Variants in WDR17 observed in about 807,000 individuals in gnomAD.
WDR17 encodes the protein WD repeat-containing protein 17.
Under a neutral mutation model 161.7 loss-of-function variants are expected in WDR17, and 143 were observed. The observed-to-expected ratio is 0.88, with a 90% confidence interval of 0.77 to 1.02. WDR17 has a LOEUF of 1.02. WDR17 is among the 50% of genes least tolerant of loss of function. The pLI is 0.00. For missense variants in WDR17, 1,469 were observed against 1,520.9 expected, an observed-to-expected ratio of 0.97 and a Z score of 0.57; for synonymous variants, 517 against 515.6, an observed-to-expected ratio of 1.00 and a Z score of -0.04.
chr4:176,072,661 C>T (rs1305133554), intron 1 of WDR17, among the ~76,000 whole-genome samples: 1 of 152,106 alleles, frequency 6.6e-6, no homozygotes, highest in Admixed American at 6.6e-5. Context: ...CAGATGTTTT[C>T]CAGAGAGCAA....
chr4:176,087,769 C>T (rs1280207601), intron 1 of WDR17, among the ~76,000 whole-genome samples: 1 of 152,068 alleles, frequency 6.6e-6, no homozygotes, highest in Non-Finnish European at 1.5e-5. Context: ...AACTAATAAA[C>T]TCATCCATTG....
intron 3 of WDR17, among the ~76,000 whole-genome samples, chr4:176,119,300 A>T (rs1305280209): frequency 6.6e-6 from 1 of 152,146 alleles, no homozygotes; most frequent in East Asian, 1.9e-4. Context: ...ATAGATGAGG[A>T]AACAGAAATT....
At chr4:176,176,258 A>G (rs1751443151) in intron 26 of WDR17, among the ~76,000 whole-genome samples, 1 of 152,172 alleles carries the variant, frequency 6.6e-6, no homozygotes, top group African/African-American at 2.4e-5. Flanking sequence ...AATGTGACTA[A>G]GTTTAGGGAA....
At chr4:176,104,220 C>T (rs1477782278) in intron 1 of WDR17, among the ~76,000 whole-genome samples, 1 of 152,012 alleles carries the variant, frequency 6.6e-6, no homozygotes, top group Non-Finnish European at 1.5e-5. Context: ...TAAACAAAAA[C>T]TGAGGGAGTT....
At chr4:176,124,254 A>G (rs60982686) in intron 4 of WDR17, among the ~76,000 whole-genome samples, 4,000 of 152,314 alleles carry the variant, frequency 0.026, 161 homozygotes, top group African/African-American at 0.09. Flanking sequence ...GAATGAGAGG[A>G]CTTGCCCAGT....
intron 1 of WDR17, among the ~76,000 whole-genome samples, chr4:176,105,611 AACC>A (rs1237567987): frequency 3.9e-5 from 6 of 152,170 alleles, no homozygotes; most frequent in Non-Finnish European, 8.8e-5. Flanking sequence ...ACTCTCCAAC[AACC>A]AATGGATGAA....
intron 5 of WDR17, among the ~76,000 whole-genome samples, chr4:176,127,785 C>G (rs1330038963): frequency 6.6e-6 from 1 of 152,172 alleles, no homozygotes; most frequent in Non-Finnish European, 1.5e-5. Context: ...AGCAGTTACT[C>G]TCCATTACTG....
intron 17 of WDR17, among the ~76,000 whole-genome samples, chr4:176,153,680 A>T (rs1747599469): frequency 6.6e-6 from 1 of 152,194 alleles, no homozygotes. Flanking sequence ...ACAAAGCATG[A>T]TATTTAGAGT....
intron 1 of WDR17, among the ~76,000 whole-genome samples, chr4:176,091,322 C>T (rs1736095593): frequency 6.6e-6 from 1 of 151,982 alleles, no homozygotes; most frequent in Admixed American, 6.6e-5. Context: ...TGGAATAAAA[C>T]TAGAAATTAG....
chr4:176,091,793 A>G (rs1274020600), intron 1 of WDR17, among the ~76,000 whole-genome samples: 8 of 152,184 alleles, frequency 5.3e-5, no homozygotes, highest in Non-Finnish European at 2.9e-5. Context: ...AGATATTACA[A>G]CTGATACTAC....
chr4:176,068,731 G>A (rs1732840844), intron 1 of WDR17, among the ~76,000 whole-genome samples: 1 of 152,130 alleles, frequency 6.6e-6, no homozygotes, highest in Non-Finnish European at 1.5e-5. Flanking sequence ...TGATACCCAA[G>A]ACTGTGCTTT....
chr4:176,095,055 A>C (rs1268139568), intron 1 of WDR17, among the ~76,000 whole-genome samples: 2 of 152,122 alleles, frequency 1.3e-5, no homozygotes, highest in African/African-American at 4.8e-5. Context: ...GGAATCACTG[A>C]AGCAGAGACA....
intron 5 of WDR17, 56 bp from the exon 6 acceptor site, chr4:176,128,682 G>A (rs1742843792): frequency 6.5e-7 from 1 of 1,538,390 alleles, no homozygotes; most frequent in Admixed American, 2.2e-5. Context: ...TTATGTCTAG[G>A]CATTTTAGTT....
At chr4:176,123,089 C>T (rs762934369) in intron 4 of WDR17, among the ~76,000 whole-genome samples, 33 of 152,166 alleles carry the variant, frequency 2.2e-4, no homozygotes, top group Non-Finnish European at 3.2e-4. Flanking sequence ...CCAAGTTCAT[C>T]GGAGAACCTT....
intron 18 of WDR17, among the ~76,000 whole-genome samples, chr4:176,159,277 A>ATG (rs1416300813): frequency 0.35 from 48,368 of 136,400 alleles, 8,105 homozygotes; most frequent in East Asian, 0.42. Flanking sequence ...ACACACATGC[A>ATG]CACACACACA....
intron 9 of WDR17, among the ~76,000 whole-genome samples, chr4:176,139,400 A>G (rs1310230459): frequency 1.3e-5 from 2 of 151,960 alleles, no homozygotes; most frequent in East Asian, 3.9e-4. Context: ...GTGATTTATT[A>G]TAGGAATAAC....
chr4:176,139,957 C>T lies in WDR17; in HGVS notation c.1425C>T (p.Cys475=). The stretch of plus-strand genomic sequence containing the variant: ...AAGATTCTAAAAGAATAGCAACCTG[C>T]AGCAGTGATGGTTTCTGGTAAGTAC... The part of the protein sequence containing the change: ...SHKDSKRIAT[C]SSDGFCIIRT... The change falls in exon 10 of 29, where the codon TGC becomes TGT. Residue 475 remains cysteine (C), a synonymous_variant. Transcript: ENST00000508596. 6.2e-7 allele frequency: 1 copy of T among 1,611,460 alleles called. No individual in the cohort carries two copies. Among genetic ancestry groups the T allele is most frequent in the Non-Finnish European group, 8.5e-7 (1 of 1,178,372 alleles).
chr4:176,133,733 C>A (rs1432030809), intron 7 of WDR17, among the ~76,000 whole-genome samples: 1 of 151,352 alleles, frequency 6.6e-6, no homozygotes, highest in Non-Finnish European at 1.5e-5. Context: ...TTCCAGATTA[C>A]ATAGGATGAG....
At chr4:176,114,163 C>T (rs1307038725) in intron 2 of WDR17, among the ~76,000 whole-genome samples, 1 of 151,992 alleles carries the variant, frequency 6.6e-6, no homozygotes, top group East Asian at 1.9e-4. Flanking sequence ...GATACACTCA[C>T]TGTATCTACC....
Sources: gnomAD v4.1 joint callset for allele counts (sites outside exome capture counted in the v4.1 genomes callset) on GRCh38, gnomAD v4.1.1 for gene constraint, MANE v1.5 for transcripts, NCBI Gene and HGNC (gene_info 2026-07-23, HGNC 2026-07-21) for gene names.